SPADH: variants seen among roughly 807,000 people sequenced by gnomAD.
SPADH encodes the protein CUB domain-containing protein.
chr10:122,678,339 T>C, the SPADH span, among the ~76,000 whole-genome samples: 2 of 152,148 alleles, frequency 1.3e-5, no homozygotes, highest in Non-Finnish European at 2.9e-5. Flanking sequence ...AAGGCCAAGC[T>C]TATGCTAGTG....
the SPADH span, among the ~76,000 whole-genome samples, chr10:122,675,180 G>A: frequency 6.6e-6 from 1 of 152,212 alleles, no homozygotes; most frequent in South Asian, 2.1e-4. Flanking sequence ...AAGGAGAAGT[G>A]TTTATATCAG....
the SPADH span, among the ~76,000 whole-genome samples, chr10:122,674,772 G>A: frequency 2.0e-5 from 3 of 152,236 alleles, no homozygotes; most frequent in Non-Finnish European, 4.4e-5. Context: ...CCTGTGCTGG[G>A]CATTGGGCCA....
chr10:122,676,755 G>C, the SPADH span: 1 of 985,380 alleles, frequency 1.0e-6, no homozygotes, highest in African/African-American at 1.7e-5. Context: ...TCCTCTTGTA[G>C]CACCCAGTGA....
the SPADH span, among the ~76,000 whole-genome samples, chr10:122,674,213 G>C: frequency 6.6e-6 from 1 of 152,182 alleles, no homozygotes; most frequent in Non-Finnish European, 1.5e-5. Context: ...CTGTAGAATC[G>C]GGGTGCCTCG....
chr10:122,678,111 T>A, the SPADH span, among the ~76,000 whole-genome samples: 1 of 152,008 alleles, frequency 6.6e-6, no homozygotes, highest in Non-Finnish European at 1.5e-5. Flanking sequence ...CCTGGTGGGG[T>A]GTCCCCTTGT....
the SPADH span, among the ~76,000 whole-genome samples, chr10:122,677,598 TCA>T: frequency 6.6e-6 from 1 of 152,156 alleles, no homozygotes; most frequent in Non-Finnish European, 1.5e-5. Context: ...AGGGCAGTGT[TCA>T]CAGATTTCAG....
At chr10:122,675,229 G>T in the SPADH span, among the ~76,000 whole-genome samples, 1 of 152,162 alleles carries the variant, frequency 6.6e-6, no homozygotes, top group Non-Finnish European at 1.5e-5. Context: ...CCAGGAAAGT[G>T]GGACGTGAGA....
At chr10:122,677,116 T>A in the SPADH span, among the ~76,000 whole-genome samples, 1 of 152,200 alleles carries the variant, frequency 6.6e-6, no homozygotes, top group East Asian at 1.9e-4. Context: ...TGGTTTCTCT[T>A]CTCTGCTCAC....
the SPADH span, among the ~76,000 whole-genome samples, chr10:122,676,087 G>A: frequency 6.6e-6 from 1 of 152,210 alleles, no homozygotes; most frequent in African/African-American, 2.4e-5. Context: ...CCTCCAGGGT[G>A]CAGTTCTTCC....
chr10:122,677,038 CTT>C, the SPADH span: 1 of 440,136 alleles, frequency 2.3e-6, no homozygotes, highest in Non-Finnish European at 3.0e-6. Flanking sequence ...CTGTTGAAAG[CTT>C]TTCACTGGCT....
chr10:122,676,648 A>T, the SPADH span: 2 of 849,504 alleles, frequency 2.4e-6, no homozygotes, highest in Non-Finnish European at 2.8e-6. Context: ...CTTCCCAAGG[A>T]TGGGAAGTTG....
chr10:122,673,445 G>A, the SPADH span, among the ~76,000 whole-genome samples: 5 of 152,198 alleles, frequency 3.3e-5, no homozygotes, highest in East Asian at 1.9e-4. Flanking sequence ...CAGCAACTTC[G>A]GGAGGAGCAA....
chr10:122,674,790 G>A, the SPADH span, among the ~76,000 whole-genome samples: 5 of 152,232 alleles, frequency 3.3e-5, no homozygotes, highest in Non-Finnish European at 5.9e-5. Flanking sequence ...CCATGGGCTC[G>A]TGCACCCAGC....
chr10:122,679,294 C>T, the SPADH span, among the ~76,000 whole-genome samples: 1 of 152,090 alleles, frequency 6.6e-6, no homozygotes, highest in African/African-American at 2.4e-5. Context: ...TATGTGAAAA[C>T]TTTATCTTTC....
chr10:122,676,922 T>A, the SPADH span: 2 of 985,214 alleles, frequency 2.0e-6, no homozygotes, highest in African/African-American at 3.5e-5. Flanking sequence ...TTTTCTTTGA[T>A]GTTGTTGGTA....
chr10:122,676,675 CAG>C, the SPADH span: 3 of 968,430 alleles, frequency 3.1e-6, no homozygotes, highest in African/African-American at 5.3e-5. Flanking sequence ...TCAGTAATAA[CAG>C]GGGCCCCTGG....
chr10:122,678,463 G>C, the SPADH span, among the ~76,000 whole-genome samples: 1 of 152,182 alleles, frequency 6.6e-6, no homozygotes, highest in Non-Finnish European at 1.5e-5. Context: ...CACAGAGGTT[G>C]TGGTTTAAGG....
At chr10:122,675,586 AC>A in the SPADH span, 3 of 795,350 alleles carry the variant, frequency 3.8e-6, no homozygotes, top group Non-Finnish European at 4.6e-6. Flanking sequence ...TTCTGCTTTC[AC>A]CCATTGGTAA....
chr10:122,678,781 AG>A, the SPADH span: 1 of 319,096 alleles, frequency 3.1e-6, no homozygotes, highest in Non-Finnish European at 4.5e-6. Context: ...TCATTGGTGG[AG>A]GGAGGTGGCA....
Sources: allele counts gnomAD v4.1 joint callset (sites outside exome capture counted in the v4.1 genomes callset), GRCh38; gene constraint gnomAD v4.1.1; transcripts MANE v1.5; gene names NCBI Gene and HGNC (gene_info 2026-07-23, HGNC 2026-07-21).